Variants in ACSL1 observed in about 807,000 individuals in gnomAD.
ACSL1 encodes the protein acyl-CoA synthetase long chain family member 1.
In ACSL1, 41 loss-of-function variants were observed where a neutral mutation model predicts 98.4. The observed-to-expected ratio is 0.42, with a 90% CI of 0.32 to 0.54. ACSL1 has a LOEUF of 0.54. ACSL1 is among the 20% of genes least tolerant of loss of function. The pLI, the probability that ACSL1 is intolerant of heterozygous loss-of-function variation, is 0.13. For synonymous variants in ACSL1, 316 were observed against 322.7 expected, an observed-to-expected ratio of 0.98 and a Z score of 0.22; for missense variants, 734 against 883.1, an observed-to-expected ratio of 0.83 and a Z score of 2.14.
Position 184,797,764 on chromosome 4 carries a change from C to T in ACSL1, c.195+5556G>A, listed in dbSNP as rs139683015. Among the ~76,000 whole-genome samples, 251 of 152,310 alleles carry T rather than the reference C, an allele frequency of 1.6e-3. 3 individuals carry two copies. The East Asian group carries it at 0.033, about 20-fold the overall frequency. ...CTCTGCCAAGGACAAGGGGTCCGAG[C>T]GGTACTTCCTGCTGGCCTGGAGCTC... On this transcript the variant is annotated intron_variant, in intron 2 of 20. Transcript: ENST00000281455.
Position 184,757,001 on chromosome 4 carries a change from G to C in ACSL1, c.*124C>G, listed in dbSNP as rs1004331436. ...ATTCCTATGAGAAGAACCCCGAATGGACAAGTCAAACACGAACGCTTCCTT... is the reference window on the plus strand; with the variant it reads ...ATTCCTATGAGAAGAACCCCGAATGCACAAGTCAAACACGAACGCTTCCTT... On this transcript the variant is annotated 3_prime_UTR_variant, in exon 21 of 21. Coordinates refer to ENST00000281455, the MANE Select transcript of ACSL1 (RefSeq NM_001995.5). This position sits in a 1 kb window ranked among gnomAD's most constrained non-coding sequence, Gnocchi z 4.5. 3 of 1,246,350 alleles carry C rather than the reference G, an allele frequency of 2.4e-6. No homozygotes were observed. Among genetic ancestry groups the C allele is most frequent in the Admixed American group, 4.8e-5 (2 of 41,490 alleles). The allele number at this position is 1,246,350 out of a possible 1,614,324, so 77.2% of individuals were successfully genotyped here.
Position 184,825,559 on chromosome 4 carries a change from C to T in ACSL1, c.-33+357G>A, listed in dbSNP as rs372515650. 8.0e-4 allele frequency among the ~76,000 whole-genome samples: 121 copies of T among 151,594 alleles called. No homozygotes were observed. In the South Asian group the frequency reaches 8.9e-3, roughly 11 times the overall value. Reference sequence around the variant, plus strand: ...CCCAGCTGGGCCACCTCCTCCCAGCCGAAGCGCGGCCTCCGGCTGCTTCGC... The same window carrying T: ...CCCAGCTGGGCCACCTCCTCCCAGCTGAAGCGCGGCCTCCGGCTGCTTCGC... On this transcript the variant is annotated intron_variant, in intron 1 of 20. Transcript: ENST00000281455. This position sits in a 1 kb window ranked among gnomAD's most constrained non-coding sequence, Gnocchi z 4.7.
At chr4:184,806,761 A>G (rs1771479772) in intron 1 of ACSL1, among the ~76,000 whole-genome samples, 1 of 152,232 alleles carries the variant, frequency 6.6e-6, no homozygotes, top group Non-Finnish European at 1.5e-5. Context: ...AATCTATAAT[A>G]CTAAGGGTTT....
At chr4:184,813,912 C>T (rs1438300806) in intron 1 of ACSL1, 2 of 455,396 alleles carry the variant, frequency 4.4e-6, no homozygotes, top group South Asian at 3.1e-5. Flanking sequence ...AGAGAAGGTA[C>T]CTAGATCCTG....
At chr4:184,778,706 A>G (rs1765712951) in intron 5 of ACSL1, among the ~76,000 whole-genome samples, 1 of 152,208 alleles carries the variant, frequency 6.6e-6, no homozygotes, top group Non-Finnish European at 1.5e-5. Flanking sequence ...TGTCTGACAT[A>G]TAGTGGGTGC....
At chr4:184,809,870 C>T (rs1368852998) in intron 1 of ACSL1, among the ~76,000 whole-genome samples, 3 of 152,208 alleles carry the variant, frequency 2.0e-5, no homozygotes, top group Admixed American at 6.5e-5. Context: ...GAATATGCAT[C>T]TTCAAACAGG....
At position 184,780,365 on chromosome 4, in the gene ACSL1, C is replaced by T. The variant is rs750984030; in HGVS notation, c.444G>A (p.Gln148=). The T allele has an allele frequency of 1.9e-6, 3 of 1,613,890 alleles. No individual in the cohort carries two copies. Among genetic ancestry groups the T allele is most frequent in the Non-Finnish European group, 2.5e-6 (3 of 1,179,950 alleles). Residue 148 remains glutamine (Q), a synonymous_variant, in exon 5 of 21, where the codon CAG becomes CAA. Transcript: ENST00000281455. ...IQKGFKTAPD[Q]FIGIFAQNRP... ...TATTTTGAGCAAAGATGCCAATGAA[C>T]TGATCTGGGGCAGTCTTGAAGCCCT...
rs143188399 is a variant in ACSL1, at chr4:184,768,292, G to T, written c.1128+24C>A. 14 of 1,606,312 alleles carry T rather than the reference G, an allele frequency of 8.7e-6. No individual in the cohort carries two copies. The African/African-American group carries it at 1.9e-4, about 22-fold the overall frequency. ...TGCGTCCAAGTCAGTGCTCAGTCCT[G>T]GGACTTCGCTGCTTGGAACTTACTC... On this transcript the variant is annotated intron_variant, in intron 12 of 20. Transcript: ENST00000281455.
At chr4:184,808,193 G>C in intron 1 of ACSL1, 1 of 565,298 alleles carries the variant, frequency 1.8e-6, no homozygotes, top group South Asian at 7.8e-5. Context: ...AGGGCCAGAG[G>C]TGACTCACAA....
intron 2 of ACSL1, among the ~76,000 whole-genome samples, chr4:184,798,073 G>C (rs1318871740): frequency 3.9e-5 from 6 of 152,202 alleles, no homozygotes; most frequent in African/African-American, 1.4e-4. Flanking sequence ...AGATCGTTTG[G>C]TGTGGAATTT....
intron 1 of ACSL1, chr4:184,805,697 G>A (rs1027278596): frequency 6.0e-6 from 1 of 166,190 alleles, no homozygotes; most frequent in East Asian, 1.9e-4. Flanking sequence ...CTGCCCACTG[G>A]GCTAAAGGTA....
chr4:184,799,792 T>C (rs974505735), intron 2 of ACSL1, among the ~76,000 whole-genome samples: 2 of 152,074 alleles, frequency 1.3e-5, no homozygotes, highest in East Asian at 3.9e-4. Context: ...GAGGCTGTAG[T>C]GAGCTATGAC....
chr4:184,775,349 A>C (rs978858524), intron 7 of ACSL1, among the ~76,000 whole-genome samples: 3 of 152,126 alleles, frequency 2.0e-5, no homozygotes, highest in Non-Finnish European at 4.4e-5. Context: ...CAACTAAATA[A>C]TTTTTAAATT....
chr4:184,784,414 C>T (rs149666106), intron 3 of ACSL1, among the ~76,000 whole-genome samples: 2 of 152,036 alleles, frequency 1.3e-5, no homozygotes, highest in Non-Finnish European at 2.9e-5. Flanking sequence ...ATTCAGAATA[C>T]GGAAAGGAAA....
At chr4:184,790,430 T>C (rs1320715578) in intron 2 of ACSL1, among the ~76,000 whole-genome samples, 3 of 152,238 alleles carry the variant, frequency 2.0e-5, no homozygotes, top group African/African-American at 4.8e-5. Flanking sequence ...TACATGTGTG[T>C]ATTTCACTCT....
intron 16 of ACSL1, among the ~76,000 whole-genome samples, 171 bp downstream of exon 16, chr4:184,762,996 G>A (rs1485171398): frequency 6.6e-6 from 1 of 152,086 alleles, no homozygotes; most frequent in African/African-American, 2.4e-5. Flanking sequence ...CCCACTCCCC[G>A]AGAGCTGAAC....
intron 3 of ACSL1, among the ~76,000 whole-genome samples, chr4:184,785,499 T>G (rs997529319): frequency 2.6e-5 from 4 of 151,340 alleles, no homozygotes; most frequent in African/African-American, 9.7e-5. Context: ...TCAACAAACT[T>G]CTGACCCCTT....
intron 7 of ACSL1, among the ~76,000 whole-genome samples, chr4:184,775,957 A>G (rs1406782406): frequency 2.6e-5 from 4 of 152,210 alleles, no homozygotes; most frequent in Non-Finnish European, 2.9e-5. Context: ...CACCACGCTC[A>G]TTCTCCTGGA....
intron 3 of ACSL1, among the ~76,000 whole-genome samples, chr4:184,784,641 T>C (rs765312148): frequency 1.3e-5 from 2 of 152,188 alleles, no homozygotes; most frequent in Non-Finnish European, 2.9e-5. Context: ...AAGGGGACCA[T>C]AGTGCATCTG....
Sources: gnomAD v4.1 joint callset for allele counts (sites outside exome capture counted in the v4.1 genomes callset) on GRCh38, gnomAD v4.1.1 for gene constraint, Gnocchi (gnomAD v3.1) non-coding constraint, MANE v1.5 for transcripts, NCBI Gene and HGNC (gene_info 2026-07-23, HGNC 2026-07-21) for gene names.